TBC1D12: variants seen among roughly 807,000 people sequenced by gnomAD.
TBC1D12 encodes the protein TBC1 domain family, member 12.
TBC1D12 carries 56 observed loss-of-function variants against 86.7 expected under a neutral mutation model. That is an observed-to-expected ratio of 0.65 (90% CI 0.52 to 0.81). The LOEUF (loss-of-function observed/expected upper bound fraction) is 0.81, where lower values mean the gene tolerates loss of function less well. Among genes scored for constraint, TBC1D12 ranks in the 30% least tolerant of loss-of-function variants. TBC1D12 has a pLI of 0.00. For synonymous variants in TBC1D12, 421 were observed against 411.7 expected (o/e 1.02, Z -0.27); for missense variants, 1,023 against 1,038.8 (o/e 0.98, Z 0.21).
At chr10:94,527,063 C>T (rs549023988) in intron 11 of TBC1D12, among the ~76,000 whole-genome samples, 2 of 142,974 alleles carry the variant, frequency 1.4e-5, no homozygotes, top group African/African-American at 5.8e-5. Context: ...ATCATTTGCC[C>T]ATTTTTTAGC....
chr10:94,449,080 A>G (rs1337876396), intron 2 of TBC1D12, among the ~76,000 whole-genome samples: 1 of 152,198 alleles, frequency 6.6e-6, no homozygotes, highest in African/African-American at 2.4e-5. Context: ...AAAAGAATAA[A>G]GATAAGTTTT....
intron 2 of TBC1D12, among the ~76,000 whole-genome samples, chr10:94,457,880 A>G (rs545856827): frequency 1.2e-4 from 19 of 152,166 alleles, no homozygotes; most frequent in Non-Finnish European, 2.2e-4. Context: ...AGGCAACACT[A>G]TACCTGAAAG....
intron 5 of TBC1D12, among the ~76,000 whole-genome samples, chr10:94,497,929 T>G (rs375130740): frequency 4.8e-4 from 72 of 151,550 alleles, no homozygotes; most frequent in African/African-American, 1.7e-3. Context: ...TTCATGCCAT[T>G]CTCCCACCTC....
At chr10:94,465,837 TA>T (rs1333251945) in intron 2 of TBC1D12, among the ~76,000 whole-genome samples, 6 of 151,250 alleles carry the variant, frequency 4.0e-5, no homozygotes, top group African/African-American at 1.5e-4. Flanking sequence ...CGTATACGCA[TA>T]CATATATACG....
intron 1 of TBC1D12, among the ~76,000 whole-genome samples, chr10:94,434,034 C>T (rs1233714378): frequency 6.6e-6 from 1 of 152,080 alleles, no homozygotes; most frequent in Non-Finnish European, 1.5e-5. Context: ...GTAACTACCT[C>T]AGTATGATTG....
chr10:94,489,192 T>C (rs2134170376), intron 3 of TBC1D12, among the ~76,000 whole-genome samples: 1 of 152,340 alleles, frequency 6.6e-6, no homozygotes, highest in Non-Finnish European at 1.5e-5. Flanking sequence ...GCTGCTGGGA[T>C]GGGCGCTTCC....
intron 11 of TBC1D12, among the ~76,000 whole-genome samples, chr10:94,527,172 A>G (rs1342638289): frequency 6.6e-6 from 1 of 151,630 alleles, no homozygotes; most frequent in Non-Finnish European, 1.5e-5. Flanking sequence ...GGCTCATTGC[A>G]ACCTCCACCT....
At chr10:94,406,079 G>A (rs2054850535) in intron 1 of TBC1D12, among the ~76,000 whole-genome samples, 1 of 152,130 alleles carries the variant, frequency 6.6e-6, no homozygotes. Context: ...TCAAAGTGCT[G>A]GGATTACAGG....
intron 2 of TBC1D12, among the ~76,000 whole-genome samples, chr10:94,445,541 G>C (rs903809450): frequency 6.6e-6 from 1 of 152,102 alleles, no homozygotes; most frequent in Non-Finnish European, 1.5e-5. Flanking sequence ...GAACTTTCCA[G>C]CTATGTCACA....
chr10:94,435,818 T>G (rs2055286413), intron 1 of TBC1D12, among the ~76,000 whole-genome samples: 1 of 152,236 alleles, frequency 6.6e-6, no homozygotes, highest in African/African-American at 2.4e-5. Context: ...TTGCCTTTCG[T>G]GTATAACTGT....
chr10:94,448,494 T>C (rs1207216470), intron 2 of TBC1D12, among the ~76,000 whole-genome samples: 1 of 152,188 alleles, frequency 6.6e-6, no homozygotes, highest in Non-Finnish European at 1.5e-5. Flanking sequence ...ATTTTGTTTT[T>C]GAGACAGGAT....
intron 6 of TBC1D12, among the ~76,000 whole-genome samples, chr10:94,506,262 C>T (rs1031720557): frequency 6.6e-6 from 1 of 152,122 alleles, no homozygotes; most frequent in East Asian, 1.9e-4. Context: ...TGGTCTCAAA[C>T]TCCTGACCTC....
intron 1 of TBC1D12, among the ~76,000 whole-genome samples, chr10:94,409,225 G>A (rs114825154): frequency 0.01 from 1,569 of 152,170 alleles, 27 homozygotes; most frequent in East Asian, 0.06. Flanking sequence ...TTCAACTTAG[G>A]AATTTGTGGC....
chr10:94,445,206 A>C lies in TBC1D12; in HGVS notation c.1095+3187A>C, dbSNP rs188654760. Among the ~76,000 whole-genome samples, 387 of 151,810 alleles carry C rather than the reference A, an allele frequency of 2.5e-3. 9 individuals carry two copies. In the East Asian group the frequency reaches 0.057, roughly 22 times the overall value. On this transcript the variant is annotated intron_variant, in intron 2 of 12. Coordinates refer to ENST00000225235, the MANE Select transcript of TBC1D12 (RefSeq NM_015188.2). ...AAACCCCGTCTCTACTAAAAATATA[A>C]AAATTAGCTGGGCGTGGTAGCACGT...
At chr10:94,406,737 C>T (rs754175128) in intron 1 of TBC1D12, among the ~76,000 whole-genome samples, 3 of 152,226 alleles carry the variant, frequency 2.0e-5, no homozygotes, top group Non-Finnish European at 4.4e-5. Flanking sequence ...TCTGAAGCTC[C>T]AGGTGAGGGC....
At chr10:94,403,608 T>A (rs1296795257) in intron 1 of TBC1D12, 24 bp downstream of exon 1, 2 of 1,416,700 alleles carry the variant, frequency 1.4e-6, no homozygotes. Context: ...TGCATGGGAC[T>A]CGGGGCGGGT....
chr10:94,423,305 C>T (rs2134065184), intron 1 of TBC1D12, among the ~76,000 whole-genome samples: 1 of 149,088 alleles, frequency 6.7e-6, no homozygotes, highest in East Asian at 2.0e-4. Flanking sequence ...GAAGCTGTAC[C>T]AGCTCTACAC....
intron 5 of TBC1D12, among the ~76,000 whole-genome samples, chr10:94,498,576 C>T (rs2056354027): frequency 6.6e-6 from 1 of 151,998 alleles, no homozygotes; most frequent in Admixed American, 6.6e-5. Flanking sequence ...GCCTTAGTCT[C>T]CCTAGTAGCA....
intron 1 of TBC1D12, among the ~76,000 whole-genome samples, chr10:94,419,098 C>T (rs2055040850): frequency 6.6e-6 from 1 of 152,092 alleles, no homozygotes; most frequent in Non-Finnish European, 1.5e-5. Flanking sequence ...TAGTCTTGAT[C>T]TCCTGACCTC....
Sources: allele counts gnomAD v4.1 joint callset (sites outside exome capture counted in the v4.1 genomes callset), GRCh38; gene constraint gnomAD v4.1.1; transcripts MANE v1.5; gene names NCBI Gene and HGNC (gene_info 2026-07-23, HGNC 2026-07-21).